ZNF257: variants seen among roughly 807,000 people sequenced by gnomAD.
The protein encoded by ZNF257 is zinc finger protein 257.
ZNF257 carries 12 observed loss-of-function variants against 11.9 expected under a neutral mutation model. That is an observed-to-expected ratio of 1.01 (90% CI 0.65 to 1.63). The LOEUF (loss-of-function observed/expected upper bound fraction) is 1.63, where lower values mean the gene tolerates loss of function less well. Ranked by LOEUF, ZNF257 falls within the 40% of genes most tolerant of loss-of-function variation. The pLI, the probability that ZNF257 is intolerant of heterozygous loss-of-function variation, is 0.00. For synonymous variants in ZNF257, 183 were observed against 222.7 expected, an observed-to-expected ratio of 0.82 and a Z score of 1.59; for missense variants, 580 against 665.5, an observed-to-expected ratio of 0.87 and a Z score of 1.41.
intron 1 of ZNF257, among the ~76,000 whole-genome samples, chr19:22,055,672 G>T (rs1225375194): frequency 6.6e-6 from 1 of 152,140 alleles, no homozygotes; most frequent in Non-Finnish European, 1.5e-5. Flanking sequence ...GATGGGGTGG[G>T]AGAATCTCTC....
Position 22,089,049 on chromosome 19 carries a change from T to G in ZNF257, c.1299T>G (p.Cys433Trp), listed in dbSNP as rs2022559351. ...ATACTGGAGAGAAACCCTACAAATG[T>G]GAAGAGTGTGGCAAAGCCTTTAACC... ...IIHTGEKPYK[C>W]EECGKAFNRS... Residue 433 changes from cysteine (C) to tryptophan (W), a missense_variant, in exon 4 of 4, where the codon TGT (cysteine) becomes TGG (tryptophan). Coordinates refer to ENST00000594947, the MANE Select transcript of ZNF257 (RefSeq NM_033468.4). 1.2e-6 allele frequency: 2 copies of G among 1,613,652 alleles called. No individual in the cohort carries two copies. Among genetic ancestry groups the G allele is most frequent in the African/African-American group, 2.7e-5 (2 of 74,832 alleles).
At chr19:22,057,815 A>G (rs1281414267) in intron 1 of ZNF257, among the ~76,000 whole-genome samples, 1 of 152,158 alleles carries the variant, frequency 6.6e-6, no homozygotes, top group Non-Finnish European at 1.5e-5. Flanking sequence ...GCTGGAGTGC[A>G]ATGGTGTGAT....
In ZNF257 at chr19:22,090,687, G is replaced by A. The variant is rs923425558; in HGVS notation, c.*1245G>A. 6.6e-6 allele frequency: 1 copy of A among 152,084 alleles called. No homozygotes were observed. The highest frequency in any genetic ancestry group is 2.4e-5 in the African/African-American group (1 of 41,394). The allele number at this position is 152,084 out of a possible 1,614,324, so 9.4% of individuals were successfully genotyped here. A position where few individuals can be genotyped will look rare whatever the true frequency, so the allele number is the denominator to read the frequency against. On this transcript the variant is annotated 3_prime_UTR_variant, in exon 4 of 4. Transcript: ENST00000594947. ...CTTTAAAATGAGTAGACATTTCTTTGAGAAGTCATAATTAAATTCAAGTAT... is the reference window on the plus strand; with the variant it reads ...CTTTAAAATGAGTAGACATTTCTTTAAGAAGTCATAATTAAATTCAAGTAT...
At chr19:22,070,770 C>T (rs1224543380) in intron 1 of ZNF257, among the ~76,000 whole-genome samples, 1 of 151,710 alleles carries the variant, frequency 6.6e-6, no homozygotes, top group African/African-American at 2.4e-5. Flanking sequence ...GCAACATCAA[C>T]ATTGACAGGG....
chr19:22,080,570 G>A (rs879514269), intron 3 of ZNF257, among the ~76,000 whole-genome samples: 2 of 151,410 alleles, frequency 1.3e-5, no homozygotes, highest in Non-Finnish European at 2.9e-5. Context: ...ACAGTCTGCC[G>A]AACTGTGAGC....
intron 3 of ZNF257, among the ~76,000 whole-genome samples, chr19:22,082,222 C>T (rs2022375805): frequency 1.3e-5 from 2 of 151,856 alleles, no homozygotes; most frequent in African/African-American, 4.8e-5. Context: ...TTTTATGCAC[C>T]ATCATTATAA....
chr19:22,087,583 C>T (rs2022502715), intron 3 of ZNF257: 1 of 1,229,998 alleles, frequency 8.1e-7, no homozygotes, highest in African/African-American at 1.6e-5. Flanking sequence ...CCCTAAAAGC[C>T]AGACATAGAA....
In ZNF257 at chr19:22,088,964, A is replaced by G. The variant is rs1291222945; in HGVS notation, c.1214A>G (p.Tyr405Cys). Reference sequence around the variant, plus strand: ...GAGAAGGCCTACAAATGTGATGAATATTGCAAAGCTTTTAACTGGTCCTCA... The same window carrying G: ...GAGAAGGCCTACAAATGTGATGAATGTTGCAAAGCTTTTAACTGGTCCTCA... ...TREKAYKCDE[Y>C]CKAFNWSSAL... The change falls in exon 4 of 4, where the codon TAT (tyrosine) becomes TGT (cysteine). Residue 405 changes from tyrosine (Y) to cysteine (C), a missense_variant. Transcript: ENST00000594947. 1.3e-6 allele frequency: 2 copies of G among 1,596,082 alleles called. No individual in the cohort carries two copies. The highest frequency in any genetic ancestry group is 1.7e-5 in the Admixed American group (1 of 58,464).
intron 3 of ZNF257, among the ~76,000 whole-genome samples, chr19:22,081,221 C>T (rs1052748783): frequency 2.6e-5 from 4 of 151,694 alleles, no homozygotes; most frequent in African/African-American, 7.3e-5. Flanking sequence ...TATATATACA[C>T]GTATCTGTAG....
At chr19:22,055,625 T>C (rs2021610589) in intron 1 of ZNF257, among the ~76,000 whole-genome samples, 1 of 152,164 alleles carries the variant, frequency 6.6e-6, no homozygotes, top group African/African-American at 2.4e-5. Flanking sequence ...GTGCAGTTTC[T>C]CCTGAGAGAG....
At chr19:22,071,582 G>C (rs2022104011) in intron 1 of ZNF257, among the ~76,000 whole-genome samples, 1 of 151,740 alleles carries the variant, frequency 6.6e-6, no homozygotes, top group Non-Finnish European at 1.5e-5. Flanking sequence ...TTCTCTACTT[G>C]TTTTTCCTCC....
At chr19:22,064,513 A>T (rs1350557452) in intron 1 of ZNF257, among the ~76,000 whole-genome samples, 1 of 152,336 alleles carries the variant, frequency 6.6e-6, no homozygotes, top group East Asian at 1.9e-4. Flanking sequence ...CAAAAATAGG[A>T]TTAAATTTAG....
chr19:22,070,626 A>G (rs908182199), intron 1 of ZNF257, among the ~76,000 whole-genome samples: 1 of 152,128 alleles, frequency 6.6e-6, no homozygotes, highest in East Asian at 1.9e-4. Flanking sequence ...AGCAAAGAAT[A>G]TGATACTTTA....
chr19:22,072,944 A>C lies in ZNF257; in HGVS notation c.130+9A>C. The C allele has an allele frequency of 6.2e-7, 1 of 1,609,874 alleles. No homozygotes were observed. On this transcript the variant is annotated intron_variant, in intron 2 of 3. Transcript: ENST00000594947. ...AAACCTGGTCTTCCTGGGTGAGGAT[A>C]ACTTCAGTACTCAATTCCTAATATA... is the stretch of plus-strand genomic sequence containing the variant.
chr19:22,072,660 TA>T (rs1345871199), intron 1 of ZNF257, 148 bp from the exon 2 acceptor site: 6 of 841,416 alleles, frequency 7.1e-6, no homozygotes, highest in Non-Finnish European at 1.1e-5. Flanking sequence ...ATTTCTGTGT[TA>T]AAAAAATATT....
chr19:22,065,521 T>A (rs2021921645), intron 1 of ZNF257, among the ~76,000 whole-genome samples: 1 of 152,100 alleles, frequency 6.6e-6, no homozygotes, highest in African/African-American at 2.4e-5. Flanking sequence ...TTTTAAAAAA[T>A]TTTACATTTA....
In ZNF257 at chr19:22,088,375, G is replaced by A; in HGVS notation, c.625G>A (p.Ala209Thr). Reference sequence around the variant, plus strand: ...CCACAAATGTGAAGAATGTGGCAAAGCCTTTAACCAGTCCTCAGCTCTTAC... The same window carrying A: ...CCACAAATGTGAAGAATGTGGCAAAACCTTTAACCAGTCCTCAGCTCTTAC... ...NSHKCEECGK[A>T]FNQSSALTRH... Residue 209 changes from alanine to threonine, a missense_variant, in exon 4 of 4, where the codon GCC becomes ACC. Transcript: ENST00000594947. 1.9e-6 allele frequency: 3 copies of A among 1,613,810 alleles called. No individual in the cohort carries two copies. Among genetic ancestry groups the A allele is most frequent in the Non-Finnish European group, 2.5e-6 (3 of 1,179,856 alleles).
chr19:22,054,929 TTTTTTC>T (rs2021588356), intron 1 of ZNF257, among the ~76,000 whole-genome samples: 1 of 151,154 alleles, frequency 6.6e-6, no homozygotes, highest in South Asian at 2.1e-4. Flanking sequence ...TTTTTTTTTT[TTTTTTC>T]TTCTTATAGC....
chr19:22,056,032 G>A (rs1298255961), intron 1 of ZNF257, among the ~76,000 whole-genome samples: 1 of 126,220 alleles, frequency 7.9e-6, no homozygotes, highest in Admixed American at 7.5e-5. Context: ...TCCAGCCTGG[G>A]CGACAGAGCG....
Sources: gnomAD v4.1 joint callset for allele counts (sites outside exome capture counted in the v4.1 genomes callset) on GRCh38, gnomAD v4.1.1 for gene constraint, MANE v1.5 for transcripts, NCBI Gene and HGNC (gene_info 2026-07-23, HGNC 2026-07-21) for gene names.